The following SIM2 variants were observed in gnomAD, a reference collection of about 807,000 sequenced individuals.
SIM2 encodes single-minded homolog 2.
SIM2 carries 28 observed loss-of-function variants against 64.8 expected under a neutral mutation model. The observed-to-expected ratio is 0.43, with a 90% CI of 0.32 to 0.59. SIM2 has a LOEUF of 0.59. SIM2 is among the 20% of genes least tolerant of loss of function. The pLI is 0.07. For synonymous variants in SIM2, 408 were observed against 391.1 expected (o/e 1.04, Z -0.51); for missense variants, 847 against 871.4 (o/e 0.97, Z 0.35).
chr21:36,717,699 G>T (rs138100425), intron 3 of SIM2, among the ~76,000 whole-genome samples: 2 of 151,866 alleles, frequency 1.3e-5, no homozygotes, highest in South Asian at 2.1e-4. Flanking sequence ...CGCCTGCCTC[G>T]GCCTACCAAA....
intron 1 of SIM2, 43 bp from the exon 2 acceptor site, chr21:36,709,125 C>T (rs751297546): frequency 5.0e-5 from 77 of 1,550,830 alleles, no homozygotes; most frequent in Non-Finnish European, 6.1e-5. Flanking sequence ...AGGCATCGGG[C>T]TGGGCGCTGC....
At chr21:36,741,981 T>A in intron 8 of SIM2, 117 bp downstream of exon 8, 1 of 1,137,342 alleles carries the variant, frequency 8.8e-7, no homozygotes, top group Non-Finnish European at 1.2e-6. Flanking sequence ...ATTTGTCTTC[T>A]GTTTTTTTTC....
At chr21:36,718,850 G>T (rs1356632398) in intron 3 of SIM2, among the ~76,000 whole-genome samples, 1 of 152,172 alleles carries the variant, frequency 6.6e-6, no homozygotes, top group African/African-American at 2.4e-5. Flanking sequence ...AAGGTGGGTG[G>T]GGGCCCAGGT....
intron 10 of SIM2, chr21:36,746,453 T>C (rs543593805): frequency 6.6e-6 from 1 of 152,436 alleles, no homozygotes; most frequent in South Asian, 2.1e-4. Flanking sequence ...GGCCTCATCC[T>C]GCTTTTTCTG....
At chr21:36,733,385 T>G (rs1479424042) in intron 7 of SIM2, among the ~76,000 whole-genome samples, 1 of 151,798 alleles carries the variant, frequency 6.6e-6, no homozygotes, top group African/African-American at 2.4e-5. Flanking sequence ...CCACCACGCC[T>G]GGCTAATTTT....
chr21:36,747,057 C>T lies in SIM2; in HGVS notation c.1577-608C>T, dbSNP rs547768474. On this transcript the variant is annotated intron_variant, in intron 10 of 10. Transcript: ENST00000290399. This position sits in a 1 kb window ranked among gnomAD's most constrained non-coding sequence, Gnocchi z 4.5. ...AACAAACAAACAAAGACAAAAAAAA[C>T]CCACAAGCCAGGGAGCTACTTAATG... Among the ~76,000 whole-genome samples, 9 of 151,870 alleles carry T rather than the reference C, an allele frequency of 5.9e-5. No homozygotes were observed. Among genetic ancestry groups the T allele is most frequent in the Non-Finnish European group, 1.0e-4 (7 of 67,996 alleles).
intron 7 of SIM2, among the ~76,000 whole-genome samples, chr21:36,732,292 A>G (rs2123476477): frequency 6.6e-6 from 1 of 152,330 alleles, no homozygotes. Context: ...GGGGTGCTTT[A>G]TAATGGGGTG....
rs140264990 is a variant in SIM2 at position 36,715,186 on chromosome 21, C to T, written c.348+2564C>T. ...TTGTCGGTGTCTAGGGAGCGTTCCA[C>T]GGTGAACTGTTTAAATAAGCAACAA... On this transcript the variant is annotated intron_variant, in intron 3 of 10. Coordinates refer to ENST00000290399, the MANE Select transcript of SIM2 (RefSeq NM_005069.6). Among the ~76,000 whole-genome samples the T allele has an allele frequency of 9.9e-5, 15 of 152,260 alleles. No homozygotes were observed. In the East Asian group the frequency reaches 1.9e-3, roughly 20 times the overall value.
chr21:36,731,123 G>T lies in SIM2; in HGVS notation c.822G>T (p.Val274=). 1 of 1,613,994 alleles carries T rather than the reference G, an allele frequency of 6.2e-7. No individual in the cohort carries two copies. Among genetic ancestry groups the T allele is most frequent in the South Asian group, 1.1e-5 (1 of 91,072 alleles). The change falls in exon 7 of 11, where the codon GTG becomes GTT. Residue 274 remains valine, a synonymous_variant. Coordinates refer to ENST00000290399, the MANE Select transcript of SIM2 (RefSeq NM_005069.6). ...TLYHHVHGCD[V]FHLRYAHHLL... ...ACCATCACGTGCACGGCTGCGACGT[G>T]TTCCACCTCCGCTACGCACACCACC...
chr21:36,726,111 A>G lies in SIM2; in HGVS notation c.544-8A>G. ...GCCAGTGGCTGACCCTGCCCTCTCC[A>G]CTCCCAGGTCATCCACTGCAGTGGC... On this transcript the variant is annotated splice_polypyrimidine_tract_variant and splice_region_variant and intron_variant, in intron 5 of 10. Transcript: ENST00000290399. This position sits in a 1 kb window ranked among gnomAD's most constrained non-coding sequence, Gnocchi z 4.5. The G allele has an allele frequency of 1.2e-6, 2 of 1,611,966 alleles. No individual in the cohort carries two copies. Among genetic ancestry groups the G allele is most frequent in the Non-Finnish European group, 1.7e-6 (2 of 1,179,266 alleles).
In SIM2 at chr21:36,704,516, G is replaced by A. The variant is rs912593008; in HGVS notation, c.175+4595G>A. ...GTGGTAAAGGGGACACCCGGGCACA[G>A]GGCCTGTGCTTTCGTTGCAGGCGAG... On this transcript the variant is annotated intron_variant, in intron 1 of 10. Coordinates refer to ENST00000290399, the MANE Select transcript of SIM2 (RefSeq NM_005069.6). 2.8e-4 allele frequency among the ~76,000 whole-genome samples: 42 copies of A among 152,352 alleles called. No individual in the cohort carries two copies. The East Asian group carries it at 6.0e-3, about 22-fold the overall frequency.
intron 5 of SIM2, among the ~76,000 whole-genome samples, chr21:36,723,905 G>A (rs1193911049): frequency 6.6e-6 from 1 of 152,152 alleles, no homozygotes; most frequent in Non-Finnish European, 1.5e-5. Flanking sequence ...CAACACTTTT[G>A]TCCCCTCTCT....
At chr21:36,730,815 C>T (rs559530978) in intron 6 of SIM2, among the ~76,000 whole-genome samples, 2 of 152,312 alleles carry the variant, frequency 1.3e-5, no homozygotes, top group Admixed American at 1.3e-4. Flanking sequence ...CAAACATTCT[C>T]TTAGCCGGTG....
At chr21:36,706,720 G>T (rs1449324522) in intron 1 of SIM2, among the ~76,000 whole-genome samples, 2 of 152,164 alleles carry the variant, frequency 1.3e-5, no homozygotes, top group Admixed American at 1.3e-4. Context: ...AGCTGGCAGC[G>T]CCACGGCCCC....
Position 36,699,883 on chromosome 21 carries a change from C to T in SIM2, c.137C>T (p.Thr46Ile). The change falls in exon 1 of 11, where the codon ACC (threonine) becomes ATC (isoleucine). Residue 46 changes from threonine (T) to isoleucine (I), a missense_variant. By Grantham distance (89) the Thr-to-Ile change is moderately conservative. Around this residue, in one of 3 missense-constraint regions of SIM2, gnomAD observed 397 missense variants for 439.2 expected, o/e 0.90. Transcript: ENST00000290399. This position sits in a 1 kb window ranked among gnomAD's most constrained non-coding sequence, Gnocchi z 5.6. ...GACAAAGCGTCCATCATCCGCCTCA[C>T]CACGAGCTACCTGAAGATGCGCGCC... is the stretch of plus-strand genomic sequence containing the variant. Reference protein sequence around the residue: ...QLDKASIIRLTTSYLKMRAVF... With the variant: ...QLDKASIIRLITSYLKMRAVF... The T allele has an allele frequency of 1.2e-6, 2 of 1,607,460 alleles. No homozygotes were observed. Among genetic ancestry groups the T allele is most frequent in the South Asian group, 2.2e-5 (2 of 89,568 alleles).
intron 3 of SIM2, among the ~76,000 whole-genome samples, chr21:36,714,436 C>T (rs529755511): frequency 2.6e-5 from 4 of 152,312 alleles, no homozygotes; most frequent in African/African-American, 9.6e-5. Context: ...TCTGATAGGG[C>T]AGGTTCTTTA....
intron 1 of SIM2, among the ~76,000 whole-genome samples, chr21:36,708,195 T>C (rs553047450): frequency 1.8e-3 from 277 of 152,230 alleles, no homozygotes; most frequent in Non-Finnish European, 2.1e-3. Context: ...GGCGGAAAGA[T>C]TCCGGGGAGG....
At chr21:36,721,412 T>C (rs1568931167) in intron 4 of SIM2, among the ~76,000 whole-genome samples, 1 of 152,222 alleles carries the variant, frequency 6.6e-6, no homozygotes, top group Non-Finnish European at 1.5e-5. Flanking sequence ...GTTACTGTTT[T>C]TGAAAATTGC....
rs559703963 is a variant in SIM2, at chr21:36,729,575, A to G, written c.744-1470A>G. Among the ~76,000 whole-genome samples the G allele has an allele frequency of 5.3e-5, 8 of 152,256 alleles. No individual in the cohort carries two copies. In the East Asian group the frequency reaches 1.4e-3, roughly 26 times the overall value. On this transcript the variant is annotated intron_variant, in intron 6 of 10. Transcript: ENST00000290399. ...AAGTGAGGTCAAGTTTTTCAGTTTA[A>G]TTTACAGCTAACGTCTCCTATCCTA...
Sources: allele counts gnomAD v4.1 joint callset (sites outside exome capture counted in the v4.1 genomes callset), GRCh38; gene constraint gnomAD v4.1.1; regional missense constraint gnomAD v4.1.1; non-coding constraint Gnocchi (gnomAD v3.1); transcripts MANE v1.5; gene names NCBI Gene and HGNC (gene_info 2026-07-23, HGNC 2026-07-21).